GRID2: variants seen among roughly 807,000 people sequenced by gnomAD.
GRID2 encodes glutamate receptor ionotropic, delta-2.
GRID2 carries 33 observed loss-of-function variants against 114.8 expected under a neutral mutation model. The ratio of observed to expected loss-of-function variants is 0.29; its 90% CI spans 0.22 to 0.38. GRID2 has a LOEUF of 0.38. Among genes scored for constraint, GRID2 ranks in the 10% least tolerant of loss-of-function variants. The pLI is 1.00. For synonymous variants in GRID2, 505 were observed against 449.9 expected (o/e 1.12, Z -1.55); for missense variants, 1,184 against 1,257.7 (o/e 0.94, Z 0.89).
chr4:92,700,996 A>AAAAACAAGAC (rs796324442), intron 2 of GRID2, among the ~76,000 whole-genome samples: 1 of 149,276 alleles, frequency 6.7e-6, no homozygotes, highest in African/African-American at 2.5e-5. Context: ...TCCATCTCAA[A>AAAAACAAGAC]AAAAAAAAAA....
At chr4:92,480,141 C>G (rs1722511328) in intron 1 of GRID2, among the ~76,000 whole-genome samples, 1 of 151,910 alleles carries the variant, frequency 6.6e-6, no homozygotes, top group Non-Finnish European at 1.5e-5. Flanking sequence ...CTTCTCAGTT[C>G]TACTAAAATG....
At chr4:93,615,759 TA>T (rs1429982722) in intron 13 of GRID2, among the ~76,000 whole-genome samples, 1 of 152,152 alleles carries the variant, frequency 6.6e-6, no homozygotes, top group Non-Finnish European at 1.5e-5. Flanking sequence ...GAAGTAGTTG[TA>T]TTTTTTTAAT....
intron 2 of GRID2, among the ~76,000 whole-genome samples, chr4:93,064,207 A>C (rs1434924391): frequency 6.6e-6 from 1 of 150,908 alleles, no homozygotes; most frequent in Admixed American, 6.6e-5. Flanking sequence ...ACCTAATACT[A>C]TCTATTTATA....
At chr4:92,406,545 A>T (rs904742828) in intron 1 of GRID2, among the ~76,000 whole-genome samples, 2 of 151,892 alleles carry the variant, frequency 1.3e-5, no homozygotes, top group African/African-American at 4.8e-5. Context: ...TCCTTTTTTT[A>T]AAAAAATGTC....
intron 2 of GRID2, among the ~76,000 whole-genome samples, chr4:92,664,738 A>AT (rs149320849): frequency 2.0e-5 from 3 of 151,224 alleles, no homozygotes; most frequent in African/African-American, 7.2e-5. Context: ...GAATGTTTAC[A>AT]TATCTTCATG....
intron 9 of GRID2, among the ~76,000 whole-genome samples, chr4:93,414,019 G>A (rs1269280689): frequency 6.6e-6 from 1 of 152,122 alleles, no homozygotes; most frequent in African/African-American, 2.4e-5. Flanking sequence ...AGTCCCAGAA[G>A]TTAATACTCT....
chr4:93,572,726 C>A (rs1462033914), intron 13 of GRID2, among the ~76,000 whole-genome samples: 5 of 152,016 alleles, frequency 3.3e-5, no homozygotes, highest in Admixed American at 2.6e-4. Flanking sequence ...GTTTCCATGG[C>A]TACATCTCAG....
At chr4:92,713,507 A>G (rs1054166408) in intron 2 of GRID2, among the ~76,000 whole-genome samples, 1 of 131,510 alleles carries the variant, frequency 7.6e-6, no homozygotes, top group East Asian at 2.2e-4. Context: ...ATATATATAT[A>G]TATATATATA....
chr4:93,613,074 G>T (rs905569065), intron 13 of GRID2, among the ~76,000 whole-genome samples: 3 of 133,558 alleles, frequency 2.2e-5, no homozygotes, highest in Admixed American at 7.4e-5. Flanking sequence ...ATCTTCCATT[G>T]CTGATACCCT....
intron 2 of GRID2, among the ~76,000 whole-genome samples, chr4:92,744,710 C>T (rs1027973194): frequency 1.4e-4 from 21 of 152,006 alleles, no homozygotes; most frequent in Admixed American, 8.5e-4. Flanking sequence ...AATCTATTAC[C>T]TGAGGCTCAA....
At chr4:93,259,066 T>G in intron 8 of GRID2, 1 of 322,962 alleles carries the variant, frequency 3.1e-6, no homozygotes, top group South Asian at 2.6e-5. Flanking sequence ...ATAGAGATGC[T>G]TTGCCTATTT....
chr4:93,137,908 C>A (rs1201003125), intron 4 of GRID2, among the ~76,000 whole-genome samples: 2 of 148,676 alleles, frequency 1.3e-5, no homozygotes, highest in African/African-American at 4.9e-5. Context: ...TTTTGTAATT[C>A]ACATGAAGTT....
chr4:93,603,416 G>A (rs12510655), intron 13 of GRID2, among the ~76,000 whole-genome samples: 1 of 152,230 alleles, frequency 6.6e-6, no homozygotes, highest in African/African-American at 2.4e-5. Context: ...AGAAAATTTA[G>A]AAGATAAGAG....
intron 2 of GRID2, among the ~76,000 whole-genome samples, chr4:92,685,523 C>T (rs1425045052): frequency 1.3e-5 from 2 of 151,960 alleles, no homozygotes; most frequent in African/African-American, 2.4e-5. Context: ...TTTTAGAAAA[C>T]TTAATCTCAT....
At chr4:92,789,504 T>C (rs1247253703) in intron 2 of GRID2, among the ~76,000 whole-genome samples, 1 of 151,844 alleles carries the variant, frequency 6.6e-6, no homozygotes, top group Admixed American at 6.6e-5. Context: ...CTTGCCTGTC[T>C]CTTATGCCTT....
chr4:92,901,622 T>C (rs1444070908), intron 2 of GRID2, among the ~76,000 whole-genome samples: 1 of 152,114 alleles, frequency 6.6e-6, no homozygotes, highest in African/African-American at 2.4e-5. Context: ...ATAGTTTCAT[T>C]TGATTTTTGT....
intron 8 of GRID2, among the ~76,000 whole-genome samples, chr4:93,322,262 G>A (rs1465986735): frequency 1.3e-5 from 2 of 151,938 alleles, no homozygotes; most frequent in African/African-American, 4.8e-5. Flanking sequence ...TGTTCTCATT[G>A]TTGAATTCCC....
chr4:93,155,661 G>T (rs1579138643), intron 4 of GRID2, among the ~76,000 whole-genome samples: 1 of 151,958 alleles, frequency 6.6e-6, no homozygotes, highest in Non-Finnish European at 1.5e-5. Flanking sequence ...GAAAGACACT[G>T]GAGATACATG....
intron 8 of GRID2, among the ~76,000 whole-genome samples, chr4:93,303,766 A>T (rs1379756483): frequency 6.6e-6 from 1 of 150,968 alleles, no homozygotes; most frequent in African/African-American, 2.5e-5. Flanking sequence ...CATCCATCTA[A>T]ACTTACCAAC....
Sources: allele counts gnomAD v4.1 joint callset (sites outside exome capture counted in the v4.1 genomes callset), GRCh38; gene constraint gnomAD v4.1.1; transcripts MANE v1.5; gene names NCBI Gene and HGNC (gene_info 2026-07-23, HGNC 2026-07-21).